The following CACNA2D3 variants were observed in gnomAD, a reference collection of about 807,000 sequenced individuals.
The protein encoded by CACNA2D3 is calcium voltage-gated channel auxiliary subunit alpha2delta 3.
Under a neutral mutation model 160.6 loss-of-function variants are expected in CACNA2D3, and 60 were observed. The observed-to-expected ratio is 0.37, with a 90% CI of 0.30 to 0.46. The LOEUF is 0.46. CACNA2D3 is among the 20% of genes least tolerant of loss of function. The pLI, the probability that CACNA2D3 is intolerant of heterozygous loss-of-function variation, is 1.00. For synonymous variants in CACNA2D3, 558 were observed against 492.9 expected (o/e 1.13, Z -1.75); for missense variants, 1,205 against 1,365.0 (o/e 0.88, Z 1.85).
intron 35 of CACNA2D3, among the ~76,000 whole-genome samples, chr3:55,043,734 T>C (rs968609629): frequency 2.6e-5 from 4 of 152,348 alleles, no homozygotes; most frequent in Non-Finnish European, 5.9e-5. Flanking sequence ...CAAAAGTTTT[T>C]CTTCTATGCT....
At chr3:54,947,231 C>G (rs1208431749) in intron 27 of CACNA2D3, among the ~76,000 whole-genome samples, 1 of 152,154 alleles carries the variant, frequency 6.6e-6, no homozygotes, top group South Asian at 2.1e-4. Flanking sequence ...AGTGGGATCA[C>G]TGGATTCTAA....
At chr3:55,034,462 A>T (rs1211208760) in intron 35 of CACNA2D3, among the ~76,000 whole-genome samples, 1 of 151,954 alleles carries the variant, frequency 6.6e-6, no homozygotes, top group Non-Finnish European at 1.5e-5. Flanking sequence ...ATAGTAAGAA[A>T]ATTAACCATT....
Position 54,981,525 on chromosome 3 carries a change from GGAGA to G in CACNA2D3, c.2557-3072_2557-3069del, listed in dbSNP as rs543374077. Among the ~76,000 whole-genome samples, 1,256 of 151,896 alleles carry G rather than the reference GGAGA, an allele frequency of 8.3e-3. 13 individuals carry two copies. The highest frequency in any genetic ancestry group is 0.014 in the Non-Finnish European group (941 of 67,926). On this transcript the variant is annotated intron_variant, in intron 29 of 37. Coordinates refer to ENST00000474759, the MANE Select transcript of CACNA2D3 (RefSeq NM_018398.3). ...GGGAGAGAAAGAAAGAGAGGAAAAA[GGAGA>G]GAGAGAGAGAAAGGGGGGCTGGGGA...
chr3:54,817,589 G>C (rs1328061172), intron 14 of CACNA2D3, among the ~76,000 whole-genome samples: 1 of 152,212 alleles, frequency 6.6e-6, no homozygotes. Flanking sequence ...AATTCTGGAA[G>C]ACACAGCAAT....
At chr3:54,764,980 T>C (rs1326608954) in intron 13 of CACNA2D3, among the ~76,000 whole-genome samples, 11 of 152,232 alleles carry the variant, frequency 7.2e-5, no homozygotes, top group Non-Finnish European at 1.6e-4. Context: ...GCTGGGTTTC[T>C]TATGTAATCT....
chr3:54,699,209 G>C (rs964081578), intron 11 of CACNA2D3, among the ~76,000 whole-genome samples: 1 of 152,132 alleles, frequency 6.6e-6, no homozygotes, highest in Non-Finnish European at 1.5e-5. Context: ...CCCCATGCCA[G>C]CCTCTCTCTG....
intron 4 of CACNA2D3, among the ~76,000 whole-genome samples, chr3:54,422,363 C>T (rs748231629): frequency 2.6e-5 from 4 of 152,100 alleles, no homozygotes; most frequent in Non-Finnish European, 4.4e-5. Flanking sequence ...GTGCTAGGGA[C>T]GTTTGAAGAG....
At chr3:54,861,293 C>G (rs1171562582) in intron 17 of CACNA2D3, among the ~76,000 whole-genome samples, 1 of 151,964 alleles carries the variant, frequency 6.6e-6, no homozygotes, top group Non-Finnish European at 1.5e-5. Flanking sequence ...TGACCACGAC[C>G]CTAAGTTGGA....
intron 2 of CACNA2D3, among the ~76,000 whole-genome samples, chr3:54,129,726 G>A (rs1419086983): frequency 6.6e-6 from 1 of 152,142 alleles, no homozygotes; most frequent in African/African-American, 2.4e-5. Flanking sequence ...AAATGCTGTG[G>A]GTTCACAAAA....
chr3:54,596,783 C>T (rs185575606), intron 9 of CACNA2D3, among the ~76,000 whole-genome samples: 1 of 152,120 alleles, frequency 6.6e-6, no homozygotes, highest in Non-Finnish European at 1.5e-5. Flanking sequence ...CTCTGGAACG[C>T]GCTGTTTCTC....
intron 9 of CACNA2D3, among the ~76,000 whole-genome samples, chr3:54,584,633 A>T (rs1575361103): frequency 6.6e-6 from 1 of 152,344 alleles, no homozygotes; most frequent in South Asian, 2.1e-4. Flanking sequence ...TATTGTCTGG[A>T]AACTCCCCCA....
chr3:54,549,227 A>C (rs956151798), intron 5 of CACNA2D3, among the ~76,000 whole-genome samples: 9 of 152,162 alleles, frequency 5.9e-5, no homozygotes, highest in Admixed American at 3.3e-4. Context: ...CGGGCGGATC[A>C]CGAGGTCGGG....
intron 13 of CACNA2D3, among the ~76,000 whole-genome samples, chr3:54,810,494 A>T (rs945128171): frequency 6.6e-6 from 1 of 152,234 alleles, no homozygotes; most frequent in Admixed American, 6.5e-5. Context: ...AAGATTATAC[A>T]TGCAAGCATC....
chr3:54,265,967 C>G lies in CACNA2D3; in HGVS notation c.205-54475C>G, dbSNP rs111976801. Among the ~76,000 whole-genome samples, 524 of 152,126 alleles carry G rather than the reference C, an allele frequency of 3.4e-3. 4 individuals carry two copies. The highest frequency in any genetic ancestry group is 0.012 in the African/African-American group (499 of 41,492). On this transcript the variant is annotated intron_variant, in intron 2 of 37. Transcript: ENST00000474759. ...TAAGACTTATAAAGTGCTCAAAAGC[C>G]TTCTTAGGTATCAAATAGCTTTCAG...
chr3:54,473,168 C>G (rs1385871276), intron 4 of CACNA2D3, among the ~76,000 whole-genome samples: 3 of 152,168 alleles, frequency 2.0e-5, no homozygotes, highest in African/African-American at 7.2e-5. Context: ...CAGCATGGTA[C>G]TGGTACCAAA....
intron 3 of CACNA2D3, among the ~76,000 whole-genome samples, chr3:54,334,445 T>A (rs1704331691): frequency 6.6e-6 from 1 of 152,204 alleles, no homozygotes; most frequent in Non-Finnish European, 1.5e-5. Context: ...GGGAGTGAAC[T>A]GGGCTTTGGA....
chr3:54,817,630 T>G (rs551647313), intron 14 of CACNA2D3, among the ~76,000 whole-genome samples: 4 of 152,214 alleles, frequency 2.6e-5, no homozygotes, highest in African/African-American at 9.6e-5. Context: ...GTTTCAAGAG[T>G]CAAGGTAGGG....
chr3:54,558,586 T>C (rs758797428), intron 5 of CACNA2D3, among the ~76,000 whole-genome samples: 3 of 152,104 alleles, frequency 2.0e-5, no homozygotes, highest in Non-Finnish European at 2.9e-5. Context: ...CACCCTCAAG[T>C]AGGCCCCAGT....
At chr3:54,306,660 C>T (rs978870727) in intron 2 of CACNA2D3, among the ~76,000 whole-genome samples, 1 of 152,166 alleles carries the variant, frequency 6.6e-6, no homozygotes, top group African/African-American at 2.4e-5. Flanking sequence ...CCTGGCTGGC[C>T]GCTGCCCTCT....
Sources: gnomAD v4.1 joint callset for allele counts (sites outside exome capture counted in the v4.1 genomes callset) on GRCh38, gnomAD v4.1.1 for gene constraint, MANE v1.5 for transcripts, NCBI Gene and HGNC (gene_info 2026-07-23, HGNC 2026-07-21) for gene names.